Variants in PLXNA4 observed in about 807,000 individuals in gnomAD.
PLXNA4 encodes plexin-A4.
A neutral mutation model predicts 191.8 loss-of-function variants in PLXNA4; 44 were observed. The ratio of observed to expected loss-of-function variants is 0.23; its 90% CI spans 0.18 to 0.29. The LOEUF is 0.29. Ranked by LOEUF, PLXNA4 falls within the 10% of genes least tolerant of loss-of-function variation. The pLI, the probability that PLXNA4 is intolerant of heterozygous loss-of-function variation, is 1.00. For missense variants in PLXNA4, 1,800 were observed against 2,488.8 expected, an observed-to-expected ratio of 0.72 and a Z score of 5.89; for synonymous variants, 1,082 against 1,009.5, an observed-to-expected ratio of 1.07 and a Z score of -1.36.
At chr7:132,273,196 G>C (rs1480908536) in intron 4 of PLXNA4, among the ~76,000 whole-genome samples, 1 of 152,074 alleles carries the variant, frequency 6.6e-6, no homozygotes, top group African/African-American at 2.4e-5. Context: ...TGATGTCTGT[G>C]TTTCTGGAAT....
rs201585259 is a variant in PLXNA4 at position 132,449,471 on chromosome 7, T to G, written c.1371+39821A>C. Among the ~76,000 whole-genome samples the G allele has an allele frequency of 3.3e-4, 50 of 152,288 alleles. No homozygotes were observed. In the East Asian group the frequency reaches 4.2e-3, roughly 13 times the overall value. ...CTCCAAACCCCCAACTCAATCAGTG[T>G]TTCCCACTGCAGATGATCCATTTCA... is the stretch of plus-strand genomic sequence containing the variant. On this transcript the variant is annotated intron_variant, in intron 3 of 31. Transcript: ENST00000321063.
chr7:132,544,811 A>G (rs929279337), intron 1 of PLXNA4, among the ~76,000 whole-genome samples: 1 of 152,242 alleles, frequency 6.6e-6, no homozygotes, highest in Non-Finnish European at 1.5e-5. Context: ...GTAAAAAATA[A>G]AAATAGAAAA....
rs768398102 is a variant in PLXNA4 at position 132,185,398 on chromosome 7, G to C, written c.3059C>G (p.Ser1020Trp). 41 of 1,613,974 alleles carry C rather than the reference G, an allele frequency of 2.5e-5. No homozygotes were observed. The highest frequency in any genetic ancestry group is 3.5e-5 in the Non-Finnish European group (41 of 1,180,028). ...GATCTTGGCCCTGTCCACCTGCACC[G>C]ACACCTTCATCTCTAGCACCTCATC... Reference protein sequence around the residue: ...SSDEVLEMKVSVQVDRAKIHQ... With the variant: ...SSDEVLEMKVWVQVDRAKIHQ... Residue 1020 changes from serine to tryptophan, a missense_variant, in exon 16 of 32, where the codon TCG becomes TGG. Physicochemically the swap from Ser to Trp is radical, Grantham distance 177. Coordinates refer to ENST00000321063, the MANE Select transcript of PLXNA4 (RefSeq NM_020911.2).
chr7:132,284,311 G>C (rs757369817), intron 4 of PLXNA4, among the ~76,000 whole-genome samples: 28 of 152,172 alleles, frequency 1.8e-4, no homozygotes, highest in Non-Finnish European at 3.5e-4. Flanking sequence ...GGAAATACTG[G>C]ACTAACTAAC....
intron 3 of PLXNA4, among the ~76,000 whole-genome samples, chr7:132,402,405 T>C (rs566195783): frequency 2.6e-4 from 39 of 152,136 alleles, no homozygotes; most frequent in Non-Finnish European, 5.3e-4. Flanking sequence ...AGGGGCTCCA[T>C]TGTAAAGGTG....
At chr7:132,434,071 C>T (rs1451012637) in intron 3 of PLXNA4, among the ~76,000 whole-genome samples, 4 of 152,208 alleles carry the variant, frequency 2.6e-5, no homozygotes, top group African/African-American at 9.6e-5. Context: ...CTGGTCTGCC[C>T]ACCACTGCGC....
chr7:132,227,084 T>C (rs552202808), intron 7 of PLXNA4, among the ~76,000 whole-genome samples: 192 of 152,294 alleles, frequency 1.3e-3, no homozygotes, highest in Middle Eastern at 6.8e-3. Flanking sequence ...TGAGCATCCC[T>C]GCTCCAGCTC....
intron 4 of PLXNA4, among the ~76,000 whole-genome samples, chr7:132,246,904 C>A (rs907913642): frequency 7.9e-5 from 12 of 152,066 alleles, no homozygotes; most frequent in Middle Eastern, 3.2e-3. Flanking sequence ...CAATGAATGA[C>A]TGAAAAGAGA....
chr7:132,200,739 A>G (rs1797406591), intron 12 of PLXNA4, among the ~76,000 whole-genome samples: 1 of 152,240 alleles, frequency 6.6e-6, no homozygotes, highest in South Asian at 2.1e-4. Flanking sequence ...GTGCACGTGC[A>G]CAATTTGTGA....
chr7:132,481,530 G>A (rs1268734944), intron 3 of PLXNA4, among the ~76,000 whole-genome samples: 5 of 152,040 alleles, frequency 3.3e-5, no homozygotes, highest in Non-Finnish European at 1.5e-5. Context: ...AAAAAACATT[G>A]AGGATTACAT....
chr7:132,146,806 A>ATTC (rs1351366994), intron 27 of PLXNA4, 106 bp from the exon 28 acceptor site: 2 of 1,541,426 alleles, frequency 1.3e-6, no homozygotes, highest in Non-Finnish European at 1.8e-6. Context: ...CTGTCTGATC[A>ATTC]TTCCTGCCAT....
intron 1 of PLXNA4, among the ~76,000 whole-genome samples, chr7:132,570,108 G>C (rs1801909093): frequency 6.6e-6 from 1 of 152,196 alleles, no homozygotes; most frequent in Admixed American, 6.5e-5. Flanking sequence ...GCAGCAAGGA[G>C]TATCTTTAGC....
chr7:132,574,630 C>T (rs767628565), intron 1 of PLXNA4, among the ~76,000 whole-genome samples: 1 of 152,222 alleles, frequency 6.6e-6, no homozygotes, highest in Non-Finnish European at 1.5e-5. Context: ...TGGGGTCTCT[C>T]CATTGTGAGA....
intron 2 of PLXNA4, among the ~76,000 whole-genome samples, chr7:132,643,116 A>G (rs75186061): frequency 0.11 from 15,989 of 152,036 alleles, 994 homozygotes; most frequent in South Asian, 0.17. Context: ...AAGAAGAAAG[A>G]TGTTTTAAGT....
intron 9 of PLXNA4, among the ~76,000 whole-genome samples, chr7:132,213,513 G>A (rs1355344251): frequency 6.6e-6 from 1 of 152,186 alleles, no homozygotes; most frequent in Non-Finnish European, 1.5e-5. Context: ...GGTCTCTGGA[G>A]ACGCCAGTAG....
chr7:132,282,924 T>A (rs766952836), intron 4 of PLXNA4, among the ~76,000 whole-genome samples: 18 of 152,136 alleles, frequency 1.2e-4, no homozygotes, highest in South Asian at 4.2e-4. Flanking sequence ...TTACCTAGGC[T>A]GGAGTGCAGT....
intron 2 of PLXNA4, among the ~76,000 whole-genome samples, chr7:132,632,387 T>C (rs1256236625): frequency 6.6e-6 from 1 of 152,234 alleles, no homozygotes; most frequent in Non-Finnish European, 1.5e-5. Flanking sequence ...TTAACTCATT[T>C]GATCCTCACA....
At chr7:132,157,714 C>T (rs1584775069) in intron 25 of PLXNA4, among the ~76,000 whole-genome samples, 1 of 152,318 alleles carries the variant, frequency 6.6e-6, no homozygotes, top group East Asian at 1.9e-4. Context: ...CTGAAGGTGC[C>T]CCCTGCTATA....
intron 3 of PLXNA4, among the ~76,000 whole-genome samples, chr7:132,474,605 AG>A (rs1797055414): frequency 6.6e-6 from 1 of 151,550 alleles, no homozygotes; most frequent in African/African-American, 2.4e-5. Flanking sequence ...TCTCCCAAAG[AG>A]ATATTGAGCA....
Sources: allele counts gnomAD v4.1 joint callset (sites outside exome capture counted in the v4.1 genomes callset), GRCh38; gene constraint gnomAD v4.1.1; transcripts MANE v1.5; gene names NCBI Gene and HGNC (gene_info 2026-07-23, HGNC 2026-07-21).